PDE8B: variants seen among roughly 807,000 people sequenced by gnomAD.
The protein encoded by PDE8B is phosphodiesterase 8B.
A neutral mutation model predicts 101.3 loss-of-function variants in PDE8B; 26 were observed. The ratio of observed to expected loss-of-function variants is 0.26; its 90% CI spans 0.19 to 0.36. PDE8B has a LOEUF of 0.36. Ranked by LOEUF, PDE8B falls within the 10% of genes least tolerant of loss-of-function variation. The pLI, the probability that PDE8B is intolerant of heterozygous loss-of-function variation, is 1.00. For missense variants in PDE8B, 810 were observed against 1,163.1 expected, an observed-to-expected ratio of 0.70 and a Z score of 4.42; for synonymous variants, 424 against 429.3, an observed-to-expected ratio of 0.99 and a Z score of 0.15.
At chr5:77,280,186 A>G (rs251426) in intron 1 of PDE8B, among the ~76,000 whole-genome samples, 121,463 of 152,196 alleles carry the variant, frequency 0.8, 49,269 homozygotes, top group African/African-American at 0.95. Context: ...TCCCAAGGTC[A>G]TGAGAGTGCA....
chr5:77,154,680 C>G, the PDE8B span, among the ~76,000 whole-genome samples: 15,140 of 152,142 alleles, frequency 0.1, 2,463 homozygotes, highest in African/African-American at 0.34. Context: ...GATGGGAGGG[C>G]CCACCTTAGA....
At position 77,217,004 on chromosome 5, in the gene PDE8B, A is replaced by C. The variant is rs1356182869; in HGVS notation, c.339+5740A>C. Among the ~76,000 whole-genome samples the C allele has an allele frequency of 2.0e-5, 3 of 152,228 alleles. No individual in the cohort carries two copies. The East Asian group carries it at 5.8e-4, about 29-fold the overall frequency. On this transcript the variant is annotated intron_variant, in intron 1 of 21. Coordinates refer to ENST00000264917, the MANE Select transcript of PDE8B (RefSeq NM_003719.5). ...GATGGGCAGTTTGATGATTGTCTAA[A>C]ATAATGGCATTTTAAAATGGCCACT...
At chr5:77,324,498 G>C (rs186800496) in intron 2 of PDE8B, among the ~76,000 whole-genome samples, 371 of 152,306 alleles carry the variant, frequency 2.4e-3, no homozygotes, top group African/African-American at 8.5e-3. Context: ...GAGAATCTGT[G>C]TTCCTGGACC....
chr5:77,209,747 G>C (rs561829032), upstream of PDE8B, among the ~76,000 whole-genome samples: 1 of 152,172 alleles, frequency 6.6e-6, no homozygotes, highest in Non-Finnish European at 1.5e-5. Context: ...GCGGCTGGAC[G>C]GGATAGAAAC....
At chr5:77,305,696 C>T (rs1036298501) in intron 1 of PDE8B, among the ~76,000 whole-genome samples, 4 of 152,056 alleles carry the variant, frequency 2.6e-5, no homozygotes, top group South Asian at 2.1e-4. Context: ...AGAGCTCAGA[C>T]GAATAAAGAA....
At chr5:77,298,269 A>C (rs1769061532) in intron 1 of PDE8B, among the ~76,000 whole-genome samples, 1 of 152,192 alleles carries the variant, frequency 6.6e-6, no homozygotes, top group Non-Finnish European at 1.5e-5. Context: ...ACATCATTTC[A>C]ATCTTCATAT....
At chr5:77,411,611 A>AAT (rs1794577606) in intron 14 of PDE8B, 65 bp from the exon 15 acceptor site, 8 of 718,376 alleles carry the variant, frequency 1.1e-5, no homozygotes, top group African/African-American at 7.8e-5. Flanking sequence ...CACTAATAAT[A>AAT]AAAAAAAAAA....
chr5:77,160,982 A>G, the PDE8B span, among the ~76,000 whole-genome samples: 1 of 152,114 alleles, frequency 6.6e-6, no homozygotes, highest in Non-Finnish European at 1.5e-5. Context: ...TTCTTTGCAT[A>G]TTACAAACTT....
chr5:77,180,929 T>C, the PDE8B span, among the ~76,000 whole-genome samples: 2 of 151,928 alleles, frequency 1.3e-5, no homozygotes, highest in African/African-American at 4.8e-5. Context: ...CCCTTCTGAG[T>C]AGTGAGTCGC....
intron 1 of PDE8B, among the ~76,000 whole-genome samples, chr5:77,215,688 A>G (rs1432135310): frequency 6.6e-6 from 1 of 152,214 alleles, no homozygotes; most frequent in Non-Finnish European, 1.5e-5. Context: ...TATGCTGGTG[A>G]GGGCAGGGCA....
At chr5:77,236,008 C>T (rs1214050457) in intron 1 of PDE8B, among the ~76,000 whole-genome samples, 6 of 152,250 alleles carry the variant, frequency 3.9e-5, no homozygotes, top group South Asian at 2.1e-4. Context: ...GGCAAAGTCA[C>T]GATTGACACC....
At chr5:77,292,965 C>A (rs928539529) in intron 1 of PDE8B, among the ~76,000 whole-genome samples, 3 of 151,978 alleles carry the variant, frequency 2.0e-5, no homozygotes, top group African/African-American at 7.2e-5. Flanking sequence ...TTTCAATATT[C>A]TCATGGGATT....
rs763092606 is a variant in PDE8B, at chr5:77,419,869, C to T, written c.2232C>T (p.Asn744=). 16 of 1,613,722 alleles carry T rather than the reference C, an allele frequency of 9.9e-6. No individual in the cohort carries two copies. In the East Asian group the frequency reaches 2.9e-4, roughly 29 times the overall value. Residue 744 remains asparagine (N), a synonymous_variant, in exon 19 of 22, where the codon AAC becomes AAT. Coordinates refer to ENST00000264917, the MANE Select transcript of PDE8B (RefSeq NM_003719.5). ...TGAATAAGTTTGTGAACAGCATCAA[C>T]AAGCCAATGGCAGCTGAGGTGAGTA... is the stretch of plus-strand genomic sequence containing the variant. ...EHVNKFVNSI[N]KPMAAEIEGS...
At chr5:77,169,489 C>A in the PDE8B span, among the ~76,000 whole-genome samples, 1 of 152,112 alleles carries the variant, frequency 6.6e-6, no homozygotes, top group Non-Finnish European at 1.5e-5. Flanking sequence ...ATTTGGAGAC[C>A]ACACTTTGAG....
At chr5:77,332,260 A>T (rs1386492327) in intron 5 of PDE8B, among the ~76,000 whole-genome samples, 3 of 152,166 alleles carry the variant, frequency 2.0e-5, no homozygotes, top group East Asian at 3.8e-4. Flanking sequence ...TCATATTTTA[A>T]TTTTTTTAAA....
the PDE8B span, among the ~76,000 whole-genome samples, chr5:77,197,684 A>T: frequency 0.73 from 111,204 of 151,396 alleles, 42,008 homozygotes; most frequent in East Asian, 0.96. Flanking sequence ...GCGGTCTATC[A>T]ATTTAGTTAA....
chr5:77,301,422 C>G (rs1164611914), intron 1 of PDE8B, among the ~76,000 whole-genome samples: 3 of 152,186 alleles, frequency 2.0e-5, no homozygotes, highest in Non-Finnish European at 2.9e-5. Flanking sequence ...CATCCCTCCC[C>G]ACTTTCTCCC....
At chr5:77,376,510 C>T (rs745647280) in intron 10 of PDE8B, among the ~76,000 whole-genome samples, 1 of 152,242 alleles carries the variant, frequency 6.6e-6, no homozygotes, top group Non-Finnish European at 1.5e-5. Flanking sequence ...ACAGTAAATC[C>T]TATGAATGCA....
chr5:77,107,227 G>A, the PDE8B span, among the ~76,000 whole-genome samples: 1 of 152,126 alleles, frequency 6.6e-6, no homozygotes, highest in Non-Finnish European at 1.5e-5. Flanking sequence ...CAAAGGACAC[G>A]AACTCATCCT....
Sources: allele counts gnomAD v4.1 joint callset (sites outside exome capture counted in the v4.1 genomes callset), GRCh38; gene constraint gnomAD v4.1.1; transcripts MANE v1.5; gene names NCBI Gene and HGNC (gene_info 2026-07-23, HGNC 2026-07-21).